The following FAM117A variants were observed in gnomAD, a reference collection of about 807,000 sequenced individuals.
FAM117A encodes the protein family with sequence similarity 117 member A, also known as protein FAM117A.
In FAM117A, 21 loss-of-function variants were observed where a neutral mutation model predicts 44.1. The ratio of observed to expected loss-of-function variants is 0.48; its 90% confidence interval spans 0.34 to 0.69. The LOEUF is 0.69. FAM117A is among the 30% of genes least tolerant of loss of function. FAM117A has a pLI of 0.01. For missense variants in FAM117A, 498 were observed against 589.9 expected (o/e 0.84, Z 1.61); for synonymous variants, 220 against 238.3 (o/e 0.92, Z 0.71).
intron 3 of FAM117A, among the ~76,000 whole-genome samples, chr17:49,721,811 T>G (rs931264404): frequency 1.4e-4 from 21 of 152,246 alleles, no homozygotes; most frequent in Admixed American, 6.5e-4. Flanking sequence ...AGGCTAGGGC[T>G]GGGCGTGGTG....
At chr17:49,713,102 G>A (rs976535478) in intron 7 of FAM117A, among the ~76,000 whole-genome samples, 3 of 152,142 alleles carry the variant, frequency 2.0e-5, no homozygotes, top group African/African-American at 7.2e-5. Flanking sequence ...TGACCAGGCT[G>A]GTCTTGAACT....
intron 3 of FAM117A, 72 bp downstream of exon 3, chr17:49,722,427 G>C (rs990848689): frequency 1.8e-5 from 22 of 1,219,744 alleles, no homozygotes; most frequent in Non-Finnish European, 2.3e-5. Context: ...CCATGGAGCA[G>C]ATGCATTGCA....
chr17:49,740,232 A>G (rs2073627522), intron 1 of FAM117A, among the ~76,000 whole-genome samples: 1 of 151,744 alleles, frequency 6.6e-6, no homozygotes, highest in African/African-American at 2.4e-5. Flanking sequence ...CAGCAGACTG[A>G]TGCCTTTGGT....
intron 5 of FAM117A, among the ~76,000 whole-genome samples, chr17:49,719,374 G>A (rs913259171): frequency 6.6e-6 from 1 of 152,218 alleles, no homozygotes; most frequent in African/African-American, 2.4e-5. Flanking sequence ...AGGCATGCGT[G>A]TTACCAGGTA....
Position 49,731,054 on chromosome 17 carries a change from C to T in FAM117A, c.366+1497G>A, listed in dbSNP as rs185078988. Among the ~76,000 whole-genome samples the T allele has an allele frequency of 4.4e-3, 670 of 152,304 alleles. 6 individuals are homozygous for T. The highest frequency in any genetic ancestry group is 8.0e-3 in the Non-Finnish European group (541 of 68,036). Reference sequence around the variant, plus strand: ...TCATTCCAACATGCCAAGAACAGTACTGGGCATTCAAACATTCACTAACAA... The same window carrying T: ...TCATTCCAACATGCCAAGAACAGTATTGGGCATTCAAACATTCACTAACAA... On this transcript the variant is annotated intron_variant, in intron 2 of 7. Coordinates refer to ENST00000240364, the MANE Select transcript of FAM117A (RefSeq NM_030802.4).
intron 4 of FAM117A, 165 bp from the exon 5 acceptor site, chr17:49,720,059 T>C: frequency 4.0e-6 from 4 of 997,008 alleles, no homozygotes; most frequent in Non-Finnish European, 5.7e-6. Context: ...GGCAGTTTTC[T>C]CCAAAAGTTT....
chr17:49,764,477 CT>C (rs5820777), upstream of FAM117A, among the ~76,000 whole-genome samples: 74,368 of 151,910 alleles, frequency 0.49, 21,241 homozygotes, highest in Middle Eastern at 0.74. Flanking sequence ...TGACGTCAGG[CT>C]GAGCTGGAGA....
upstream of FAM117A, among the ~76,000 whole-genome samples, chr17:49,765,112 T>C (rs1022237119): frequency 1.6e-4 from 25 of 152,112 alleles, 1 homozygote; most frequent in Admixed American, 1.6e-3. Context: ...TATAATAATA[T>C]AAAGGGATTT....
chr17:49,726,132 G>C (rs779268371), intron 2 of FAM117A, among the ~76,000 whole-genome samples: 38 of 152,224 alleles, frequency 2.5e-4, no homozygotes, highest in Admixed American at 3.9e-4. Flanking sequence ...CACTAAGTTT[G>C]AGGTAATTTG....
chr17:49,715,708 G>A (rs1160194879), intron 7 of FAM117A, among the ~76,000 whole-genome samples: 1 of 152,152 alleles, frequency 6.6e-6, no homozygotes, highest in Non-Finnish European at 1.5e-5. Context: ...AGCTCAAACT[G>A]TTAAGCTGTT....
chr17:49,739,232 G>T lies in FAM117A; in HGVS notation c.197-6512C>A, dbSNP rs190014072. ...GTCCTTTAGGATTGAAGGTGTAGGT[G>T]AAGGAGTCCGGAAAGAGGAGACTAC... On this transcript the variant is annotated intron_variant, in intron 1 of 7. Coordinates refer to ENST00000240364, the MANE Select transcript of FAM117A (RefSeq NM_030802.4). Among the ~76,000 whole-genome samples the T allele has an allele frequency of 1.4e-3, 214 of 152,254 alleles. 1 individual carries two copies. The highest frequency in any genetic ancestry group is 9.6e-4 in the East Asian group (5 of 5,184).
chr17:49,787,949 C>T (rs2073826535), intron 1 of FAM117A, among the ~76,000 whole-genome samples: 1 of 152,214 alleles, frequency 6.6e-6, no homozygotes, highest in African/African-American at 2.4e-5. Flanking sequence ...GCATTCCCCA[C>T]TTTCAAATCA....
chr17:49,754,781 G>C (rs1177067796), intron 1 of FAM117A, among the ~76,000 whole-genome samples: 1 of 151,978 alleles, frequency 6.6e-6, no homozygotes, highest in Non-Finnish European at 1.5e-5. Flanking sequence ...GCTCACACCT[G>C]TAATCCCAGC....
In FAM117A at chr17:49,720,360, AGTG is replaced by A; in HGVS notation, c.536_538del (p.Pro179del). On this transcript the variant is annotated inframe_deletion, in exon 4 of 8. Transcript: ENST00000240364. ...TCCCCGCACTGCGTGGTCCCCTAGG[AGTG>A]GTGAACCTCGCTCCTTCTCTTTCCC... The A allele has an allele frequency of 6.2e-7, 1 of 1,613,888 alleles. No individual in the cohort carries two copies. Among genetic ancestry groups the A allele is most frequent in the Non-Finnish European group, 8.5e-7 (1 of 1,179,978 alleles).
rs367584120 is a variant in FAM117A, at chr17:49,780,174, A to T, written c.-621+8323T>A. 1.1e-3 allele frequency among the ~76,000 whole-genome samples: 167 copies of T among 152,346 alleles called. 1 individual carries two copies. Among genetic ancestry groups the T allele is most frequent in the African/African-American group, 3.8e-3 (159 of 41,572 alleles). ...CACAAGGGAGATTGGGCAAACATGTATAAATGACTCAGAGGAACCCGTTCC... is the reference window on the plus strand; with the variant it reads ...CACAAGGGAGATTGGGCAAACATGTTTAAATGACTCAGAGGAACCCGTTCC... On this transcript the variant is annotated intron_variant, in intron 1 of 7. Coordinates refer to the FAM117A transcript ENST00000513602.
intron 1 of FAM117A, among the ~76,000 whole-genome samples, chr17:49,779,877 T>C (rs2073784857): frequency 6.6e-6 from 1 of 152,234 alleles, no homozygotes; most frequent in Non-Finnish European, 1.5e-5. Context: ...TTTGGTGTAG[T>C]GACATCTGCT....
chr17:49,754,727 C>T (rs1001412228), intron 1 of FAM117A, among the ~76,000 whole-genome samples: 1 of 151,950 alleles, frequency 6.6e-6, no homozygotes, highest in East Asian at 1.9e-4. Context: ...AAACTTACAC[C>T]CAGCTGGGCA....
intron 1 of FAM117A, among the ~76,000 whole-genome samples, chr17:49,776,284 A>G (rs2073775371): frequency 6.6e-6 from 1 of 152,140 alleles, no homozygotes. Flanking sequence ...AGAGGTTAAA[A>G]AATGTATTGA....
chr17:49,763,863 C>A, intron 1 of FAM117A, 29 bp downstream of exon 1: 1 of 935,732 alleles, frequency 1.1e-6, no homozygotes, highest in Non-Finnish European at 1.3e-6. Context: ...ATGGCTCCTT[C>A]CACGGCACCC....
Sources: allele counts gnomAD v4.1 joint callset (sites outside exome capture counted in the v4.1 genomes callset), GRCh38; gene constraint gnomAD v4.1.1; transcripts MANE v1.5; gene names NCBI Gene and HGNC (gene_info 2026-07-23, HGNC 2026-07-21).